Variants in TTC28 observed in about 807,000 individuals in gnomAD.
TTC28 encodes the protein tetratricopeptide repeat protein 28.
Under a neutral mutation model 198.0 loss-of-function variants are expected in TTC28, and 61 were observed. That is an observed-to-expected ratio of 0.31 (90% CI 0.25 to 0.38). The LOEUF (loss-of-function observed/expected upper bound fraction) is 0.38. Among genes scored for constraint, TTC28 ranks in the 10% least tolerant of loss-of-function variants. The probability of loss-of-function intolerance (pLI) is 1.00; values close to 1 mark genes in which losing one functional copy is unlikely to be tolerated. For missense variants in TTC28, 2,678 were observed against 3,164.0 expected, an observed-to-expected ratio of 0.85 and a Z score of 3.69; for synonymous variants, 1,171 against 1,297.8, an observed-to-expected ratio of 0.90 and a Z score of 2.10.
chr22:28,279,773 A>T (rs1281738727), intron 5 of TTC28, among the ~76,000 whole-genome samples: 1 of 152,214 alleles, frequency 6.6e-6, no homozygotes, highest in African/African-American at 2.4e-5. Context: ...AGCTCTTCCT[A>T]GTCAAACCTG....
chr22:28,260,895 ACCATCAC>A (rs1456972521), intron 5 of TTC28, among the ~76,000 whole-genome samples: 1 of 152,156 alleles, frequency 6.6e-6, no homozygotes, highest in South Asian at 2.1e-4. Context: ...TAAGATATGC[ACCATCAC>A]CTACTCCTAC....
intron 2 of TTC28, among the ~76,000 whole-genome samples, chr22:28,528,905 C>T (rs2049067941): frequency 6.6e-6 from 1 of 151,918 alleles, no homozygotes. Flanking sequence ...GGACTTCAGA[C>T]ATACAAACAA....
At chr22:28,449,695 A>T (rs903702646) in intron 2 of TTC28, among the ~76,000 whole-genome samples, 5 of 152,240 alleles carry the variant, frequency 3.3e-5, no homozygotes, top group Non-Finnish European at 5.9e-5. Context: ...TTTGAGTTTT[A>T]TGCTGATAAT....
intron 14 of TTC28, chr22:28,008,288 GCC>G (rs138663): frequency 0.069 from 10,499 of 152,298 alleles, 420 homozygotes; most frequent in South Asian, 0.091. Flanking sequence ...TCATGGCCGA[GCC>G]CTCGGCAGAG....
In TTC28 at chr22:27,982,564, GGT is replaced by G; in HGVS notation, c.7101_7102del (p.Gln2369AlafsTer34). 1 of 1,551,748 alleles carries G rather than the reference GGT, an allele frequency of 6.4e-7. No individual in the cohort carries two copies. The highest frequency in any genetic ancestry group is 8.7e-7 in the Non-Finnish European group (1 of 1,147,018). ...CTTCATTGGCCCTGTGGAATGCTGG[GGT>G]GTGCTCTGCCAGAACATCTTCAGGT... On this transcript the variant is annotated frameshift_variant, in exon 23 of 23. Transcript: ENST00000397906. LOFTEE classifies it low-confidence loss of function (END_TRUNC). The surrounding 1 kb of genome is among the most constrained non-coding windows in gnomAD (Gnocchi z 5.2).
At chr22:28,553,859 C>G (rs2049742360) in intron 2 of TTC28, among the ~76,000 whole-genome samples, 1 of 152,274 alleles carries the variant, frequency 6.6e-6, no homozygotes. Context: ...GGCCACCACC[C>G]CGTCTGGGAG....
chr22:28,433,365 G>C (rs773235136), intron 2 of TTC28, among the ~76,000 whole-genome samples: 3 of 151,910 alleles, frequency 2.0e-5, no homozygotes, highest in Non-Finnish European at 4.4e-5. Context: ...CAGTGGATAC[G>C]GCCCTCCCCC....
intron 1 of TTC28, among the ~76,000 whole-genome samples, chr22:28,650,761 C>T (rs1489624958): frequency 6.6e-6 from 1 of 152,170 alleles, no homozygotes; most frequent in Non-Finnish European, 1.5e-5. Context: ...TATTTTACAT[C>T]AATATAAGAG....
chr22:28,091,091 C>CA (rs2146848073), intron 12 of TTC28, among the ~76,000 whole-genome samples: 1 of 152,270 alleles, frequency 6.6e-6, no homozygotes, highest in South Asian at 2.1e-4. Context: ...ACATGGGAAA[C>CA]ACAAGCAAGT....
chr22:28,184,913 C>A (rs1052781269), intron 5 of TTC28, among the ~76,000 whole-genome samples: 1 of 152,046 alleles, frequency 6.6e-6, no homozygotes, highest in Non-Finnish European at 1.5e-5. Context: ...ACAGATGAGA[C>A]GGGAGCTTCC....
intron 6 of TTC28, among the ~76,000 whole-genome samples, chr22:28,156,596 G>A (rs568286383): frequency 6.6e-6 from 1 of 152,302 alleles, no homozygotes; most frequent in South Asian, 2.1e-4. Context: ...AAAGCTAGGA[G>A]TTAACCTAGA....
chr22:28,254,103 C>CA (rs199693746), intron 5 of TTC28, among the ~76,000 whole-genome samples: 9,595 of 86,496 alleles, frequency 0.11, 428 homozygotes, highest in African/African-American at 0.19. Context: ...GACTCCATCT[C>CA]AAAAAAAAAA....
intron 12 of TTC28, among the ~76,000 whole-genome samples, chr22:28,046,380 C>T (rs549053965): frequency 3.9e-5 from 6 of 152,316 alleles, no homozygotes; most frequent in African/African-American, 1.4e-4. Flanking sequence ...TTCTCCTAGG[C>T]TACAAACCTT....
At chr22:27,991,449 C>T (rs1343885825) in intron 19 of TTC28, among the ~76,000 whole-genome samples, 7 of 152,164 alleles carry the variant, frequency 4.6e-5, no homozygotes, top group Non-Finnish European at 8.8e-5. Flanking sequence ...TGAGCAGGGA[C>T]TCAGCCAAGG....
intron 2 of TTC28, among the ~76,000 whole-genome samples, chr22:28,454,615 A>G (rs1377605828): frequency 6.6e-6 from 1 of 152,242 alleles, no homozygotes; most frequent in Non-Finnish European, 1.5e-5. Context: ...TTATTGCCCA[A>G]TAATGTCTTT....
chr22:28,351,481 T>C (rs927254959), intron 2 of TTC28, among the ~76,000 whole-genome samples: 3 of 152,214 alleles, frequency 2.0e-5, no homozygotes, highest in Non-Finnish European at 2.9e-5. Context: ...TTGTGAATAA[T>C]TGAAGACAAA....
chr22:28,558,131 T>A (rs764602566), intron 2 of TTC28, among the ~76,000 whole-genome samples: 1 of 152,240 alleles, frequency 6.6e-6, no homozygotes, highest in Non-Finnish European at 1.5e-5. Context: ...AAGGTTCCTA[T>A]AACCTAACTT....
intron 2 of TTC28, among the ~76,000 whole-genome samples, chr22:28,414,094 C>T (rs1299912233): frequency 2.0e-5 from 3 of 152,186 alleles, no homozygotes; most frequent in Non-Finnish European, 4.4e-5. Context: ...TATGTCACAT[C>T]ATCTAATTTT....
At chr22:28,337,567 T>C (rs1299044288) in intron 2 of TTC28, among the ~76,000 whole-genome samples, 5 of 152,372 alleles carry the variant, frequency 3.3e-5, no homozygotes, top group African/African-American at 9.6e-5. Context: ...GCTCTTCTTG[T>C]TGAATTGATC....
Sources: allele counts gnomAD v4.1 joint callset (sites outside exome capture counted in the v4.1 genomes callset), GRCh38; gene constraint gnomAD v4.1.1; non-coding constraint Gnocchi (gnomAD v3.1); transcripts MANE v1.5; gene names NCBI Gene and HGNC (gene_info 2026-07-23, HGNC 2026-07-21).